The following SGMS1 variants were observed in gnomAD, a reference collection of about 807,000 sequenced individuals.
SGMS1 encodes sphingomyelin synthase 1.
SGMS1 carries 13 observed loss-of-function variants against 46.2 expected under a neutral mutation model. The observed-to-expected ratio is 0.28, with a 90% CI of 0.18 to 0.45. The LOEUF is 0.45. Among genes scored for constraint, SGMS1 ranks in the 20% least tolerant of loss-of-function variants. SGMS1 has a pLI of 1.00. For missense variants in SGMS1, 324 were observed against 519.9 expected (o/e 0.62, Z 3.66); for synonymous variants, 203 against 187.8 (o/e 1.08, Z -0.66).
chr10:50,591,853 A>G (rs1209909007), intron 1 of SGMS1, among the ~76,000 whole-genome samples: 2 of 152,338 alleles, frequency 1.3e-5, no homozygotes, highest in African/African-American at 4.8e-5. Context: ...TGATGGCCCT[A>G]CTTGGCGCTT....
intron 5 of SGMS1, among the ~76,000 whole-genome samples, chr10:50,449,106 A>G (rs1837067099): frequency 6.6e-6 from 1 of 152,232 alleles, no homozygotes; most frequent in Non-Finnish European, 1.5e-5. Flanking sequence ...TTTTAAAAAG[A>G]GAAAGAAAAT....
At position 50,344,048 on chromosome 10, in the gene SGMS1, C is replaced by G. The variant is rs780653456; in HGVS notation, c.67G>C (p.Glu23Gln). The change falls in exon 7 of 11, where the codon GAA becomes CAA. Residue 23 changes from glutamate to glutamine, a missense_variant. Glu to Gln is a conservative substitution (Grantham distance 29). Around this residue, in one of 2 missense-constraint regions of SGMS1, gnomAD observed 150 missense variants for 169.8 expected, o/e 0.88. Transcript: ENST00000361781. The part of the protein sequence containing the change: ...ADWLLENAMP[E>Q]YCEPLEHFTG... ...AAATGCTCCAGAGGCTCACAGTATTCTGGCATAGCATTCTCCAGCAGCCAG... is the reference window on the plus strand; with the variant it reads ...AAATGCTCCAGAGGCTCACAGTATTGTGGCATAGCATTCTCCAGCAGCCAG... The G allele has an allele frequency of 6.2e-7, 1 of 1,614,170 alleles. No homozygotes were observed. The highest frequency in any genetic ancestry group is 1.3e-5 in the African/African-American group (1 of 75,040).
chr10:50,410,051 CACTA>C lies in SGMS1; in HGVS notation c.-232+23421_-232+23424del, dbSNP rs1024885911. 2.0e-5 allele frequency among the ~76,000 whole-genome samples: 3 copies of C among 152,176 alleles called. No homozygotes were observed. The East Asian group carries it at 5.8e-4, about 29-fold the overall frequency. On this transcript the variant is annotated intron_variant, in intron 6 of 10. Transcript: ENST00000361781. ...CAATTTAAATGAGAATTATAGGACA[CACTA>C]ACTAGCAAAGTAGGAATTAGTTTAC...
intron 6 of SGMS1, among the ~76,000 whole-genome samples, chr10:50,414,079 C>A (rs1255319453): frequency 6.6e-6 from 1 of 152,122 alleles, no homozygotes; most frequent in Non-Finnish European, 1.5e-5. Context: ...GACCACTGTT[C>A]AAATAACAGT....
intron 6 of SGMS1, among the ~76,000 whole-genome samples, chr10:50,361,510 G>A (rs1307020221): frequency 6.6e-6 from 1 of 152,148 alleles, no homozygotes; most frequent in Admixed American, 6.5e-5. Flanking sequence ...GCCATACCTA[G>A]TGCAGTTAAA....
At chr10:50,330,318 C>CAAAACA (rs142023118) in intron 7 of SGMS1, among the ~76,000 whole-genome samples, 1 of 127,280 alleles carries the variant, frequency 7.9e-6, no homozygotes, top group South Asian at 2.6e-4. Context: ...CAAAACAAAA[C>CAAAACA]AAACAAACAA....
intron 2 of SGMS1, among the ~76,000 whole-genome samples, chr10:50,558,157 A>G (rs542647433): frequency 2.0e-4 from 31 of 152,304 alleles, no homozygotes; most frequent in African/African-American, 7.2e-4. Flanking sequence ...CTGCAGCTGT[A>G]TGCTAGTAAC....
At chr10:50,624,527 C>A (rs894571739), upstream of SGMS1, 41 of 934,578 alleles carry the variant, frequency 4.4e-5, no homozygotes, top group Middle Eastern at 5.4e-4. Context: ...CCTGGGAGCG[C>A]GACGGAGGCG....
chr10:50,324,624 G>A (rs1847500567), intron 8 of SGMS1, among the ~76,000 whole-genome samples: 1 of 152,216 alleles, frequency 6.6e-6, no homozygotes, highest in African/African-American at 2.4e-5. Flanking sequence ...GCAGCACCAA[G>A]CCTTCGAAGC....
At chr10:50,317,984 AG>A (rs1391877569) in intron 8 of SGMS1, among the ~76,000 whole-genome samples, 1 of 151,916 alleles carries the variant, frequency 6.6e-6, no homozygotes, top group Non-Finnish European at 1.5e-5. Context: ...TTTGTATTTT[AG>A]TAGAGACAGG....
chr10:50,451,443 T>G (rs1401488894), intron 5 of SGMS1, among the ~76,000 whole-genome samples: 1 of 152,228 alleles, frequency 6.6e-6, no homozygotes, highest in Non-Finnish European at 1.5e-5. Flanking sequence ...TCTACCAATT[T>G]AAATCAACAT....
chr10:50,480,005 T>G (rs1344202527), intron 3 of SGMS1, among the ~76,000 whole-genome samples: 9 of 152,316 alleles, frequency 5.9e-5, no homozygotes, highest in East Asian at 1.9e-4. Flanking sequence ...ATTTCATTAA[T>G]TATCTTTCTT....
At chr10:50,515,351 G>A (rs1837791890) in intron 3 of SGMS1, among the ~76,000 whole-genome samples, 1 of 152,158 alleles carries the variant, frequency 6.6e-6, no homozygotes, top group African/African-American at 2.4e-5. Context: ...TCTCTGCATT[G>A]TTTTGATACG....
At chr10:50,309,502 T>C (rs1341288006) in intron 9 of SGMS1, among the ~76,000 whole-genome samples, 1 of 152,178 alleles carries the variant, frequency 6.6e-6, no homozygotes, top group African/African-American at 2.4e-5. Context: ...TGGATAAGCC[T>C]TGACCCCGTT....
intron 6 of SGMS1, among the ~76,000 whole-genome samples, chr10:50,373,134 C>T (rs1053358687): frequency 6.6e-6 from 1 of 152,114 alleles, no homozygotes; most frequent in Non-Finnish European, 1.5e-5. Flanking sequence ...GAAATACAAC[C>T]TAAACACAGG....
chr10:50,361,727 C>G (rs1158168945), intron 6 of SGMS1, among the ~76,000 whole-genome samples: 1 of 152,146 alleles, frequency 6.6e-6, no homozygotes, highest in Non-Finnish European at 1.5e-5. Flanking sequence ...CAGCCTGGCT[C>G]AACTGCAACC....
chr10:50,331,213 A>G (rs948252847), intron 7 of SGMS1, among the ~76,000 whole-genome samples: 1 of 152,228 alleles, frequency 6.6e-6, no homozygotes, highest in African/African-American at 2.4e-5. Context: ...GTTTTGCCAA[A>G]GTTCTCTTAT....
intron 7 of SGMS1, chr10:50,341,075 G>C: frequency 3.5e-6 from 1 of 282,928 alleles, no homozygotes; most frequent in Non-Finnish European, 7.1e-6. Flanking sequence ...ACAAAAACAG[G>C]GAGAAGTTAA....
Position 50,364,068 on chromosome 10 carries a change from T to A in SGMS1, c.-231-19723A>T, listed in dbSNP as rs144740587. The stretch of plus-strand genomic sequence containing the variant: ...AGCTCCTGTAAATTCCTAGTCAATA[T>A]GAACAATTCAATAGGAACAATAGAA... On this transcript the variant is annotated intron_variant, in intron 6 of 10. Coordinates refer to ENST00000361781, the MANE Select transcript of SGMS1 (RefSeq NM_147156.4). Among the ~76,000 whole-genome samples the A allele has an allele frequency of 3.4e-3, 517 of 151,940 alleles. 7 individuals carry two copies. The highest frequency in any genetic ancestry group is 0.028 in the Admixed American group (421 of 15,268).
Sources: gnomAD v4.1 joint callset for allele counts (sites outside exome capture counted in the v4.1 genomes callset) on GRCh38, gnomAD v4.1.1 for gene constraint, gnomAD v4.1.1 regional missense constraint, MANE v1.5 for transcripts, NCBI Gene and HGNC (gene_info 2026-07-23, HGNC 2026-07-21) for gene names.